The following CFAP61 variants were observed in gnomAD, a reference collection of about 807,000 sequenced individuals.
CFAP61 encodes the protein cilia and flagella associated protein 61, also known as cilia- and flagella-associated protein 61.
In CFAP61, 107 loss-of-function variants were observed where a neutral mutation model predicts 135.6. That is an observed-to-expected ratio of 0.79 (90% CI 0.67 to 0.93). CFAP61 has a LOEUF of 0.93. Among genes scored for constraint, CFAP61 ranks in the 40% least tolerant of loss-of-function variants. CFAP61 has a pLI of 0.00. For missense variants in CFAP61, 1,507 were observed against 1,556.2 expected (o/e 0.97, Z 0.53); for synonymous variants, 575 against 578.5 (o/e 0.99, Z 0.09).
chr20:20,099,318 C>T (rs2047833458), intron 8 of CFAP61, among the ~76,000 whole-genome samples: 1 of 152,152 alleles, frequency 6.6e-6, no homozygotes, highest in Admixed American at 6.5e-5. Context: ...TAAGTTACTT[C>T]TAGTTATATG....
At chr20:20,293,910 C>G (rs2055191628) in intron 24 of CFAP61, among the ~76,000 whole-genome samples, 1 of 152,140 alleles carries the variant, frequency 6.6e-6, no homozygotes, top group Non-Finnish European at 1.5e-5. Flanking sequence ...AACACCAAGT[C>G]TGATGAATCC....
chr20:20,250,074 C>A (rs1014028473), intron 19 of CFAP61, among the ~76,000 whole-genome samples: 4 of 152,120 alleles, frequency 2.6e-5, no homozygotes, highest in Non-Finnish European at 5.9e-5. Flanking sequence ...TTCACAGAGC[C>A]CTTTCACAGG....
Position 20,159,389 on chromosome 20 carries a change from C to G in CFAP61, c.971C>G (p.Ala324Gly). 1 of 1,613,936 alleles carries G rather than the reference C, an allele frequency of 6.2e-7. No homozygotes were observed. The highest frequency in any genetic ancestry group is 8.5e-7 in the Non-Finnish European group (1 of 1,179,826). ...TTCCAGGGAAATATTGCCAGAGAAGCTGCATCCGAGGAAGCTTTAACAGCA... is the reference window on the plus strand; with the variant it reads ...TTCCAGGGAAATATTGCCAGAGAAGGTGCATCCGAGGAAGCTTTAACAGCA... ...ENIQGNIARE[A>G]ASEEALTAVQ... is the part of the protein sequence containing the mutation. The change falls in exon 10 of 27, where the codon GCT becomes GGT. Residue 324 changes from alanine to glycine, a missense_variant. Transcript: ENST00000245957.
chr20:20,139,961 T>C (rs1456333036), intron 8 of CFAP61, among the ~76,000 whole-genome samples: 1 of 152,150 alleles, frequency 6.6e-6, no homozygotes, highest in African/African-American at 2.4e-5. Context: ...GAAAGAAATA[T>C]CTTTGTAATA....
At chr20:20,110,961 A>T (rs2048764723) in intron 8 of CFAP61, among the ~76,000 whole-genome samples, 1 of 152,186 alleles carries the variant, frequency 6.6e-6, no homozygotes, top group Non-Finnish European at 1.5e-5. Flanking sequence ...GGATGGGAGA[A>T]AATTTGGAAA....
chr20:20,341,228 A>C (rs1260716929), intron 25 of CFAP61, among the ~76,000 whole-genome samples: 1 of 152,190 alleles, frequency 6.6e-6, no homozygotes, highest in East Asian at 1.9e-4. Context: ...AAAATGCATC[A>C]AATTTTCCAG....
At chr20:20,203,876 G>A (rs1303649868) in intron 17 of CFAP61, among the ~76,000 whole-genome samples, 1 of 152,074 alleles carries the variant, frequency 6.6e-6, no homozygotes, top group African/African-American at 2.4e-5. Context: ...TAGGTGACAC[G>A]AGCCCAAACT....
intron 22 of CFAP61, among the ~76,000 whole-genome samples, chr20:20,279,774 C>T (rs142646164): frequency 3.9e-5 from 6 of 152,158 alleles, no homozygotes; most frequent in African/African-American, 1.2e-4. Flanking sequence ...TTTCTCCTAC[C>T]TTCCCTGGTC....
At chr20:20,322,711 A>T in intron 25 of CFAP61, 1 of 984,868 alleles carries the variant, frequency 1.0e-6, no homozygotes. Context: ...GAGTTCTGGC[A>T]TCTTCCTTCT....
chr20:20,058,854 T>G (rs1310199097), intron 2 of CFAP61, among the ~76,000 whole-genome samples: 1 of 152,080 alleles, frequency 6.6e-6, no homozygotes, highest in Non-Finnish European at 1.5e-5. Context: ...CCAGATAAAG[T>G]TGCAAGGTAT....
At chr20:20,226,954 T>C (rs967067200) in intron 17 of CFAP61, among the ~76,000 whole-genome samples, 8 of 152,264 alleles carry the variant, frequency 5.3e-5, no homozygotes, top group African/African-American at 1.9e-4. Flanking sequence ...GCAATGTTAA[T>C]TATGGAGTCT....
chr20:20,295,850 A>G (rs2055384226), intron 24 of CFAP61, among the ~76,000 whole-genome samples: 1 of 151,090 alleles, frequency 6.6e-6, no homozygotes, highest in Non-Finnish European at 1.5e-5. Flanking sequence ...ATCCAGGCCT[A>G]GAGAGATGCC....
intron 13 of CFAP61, among the ~76,000 whole-genome samples, chr20:20,181,296 C>CACACACACACACACAT (rs2055079037): frequency 6.6e-6 from 1 of 150,802 alleles, no homozygotes; most frequent in Non-Finnish European, 1.5e-5. Context: ...CACACACACA[C>CACACACACACACACAT]ACACATAACC....
intron 12 of CFAP61, among the ~76,000 whole-genome samples, chr20:20,167,963 T>A (rs955671917): frequency 1.3e-5 from 2 of 152,026 alleles, no homozygotes; most frequent in Non-Finnish European, 2.9e-5. Flanking sequence ...AGCAGCACTG[T>A]CCAGACATGG....
At chr20:20,260,123 T>G (rs2052035681) in intron 20 of CFAP61, among the ~76,000 whole-genome samples, 1 of 152,226 alleles carries the variant, frequency 6.6e-6, no homozygotes, top group Non-Finnish European at 1.5e-5. Context: ...TCTGCTAGCT[T>G]CTTCTAAATG....
At chr20:20,325,901 G>A (rs1031490143) in intron 25 of CFAP61, among the ~76,000 whole-genome samples, 4 of 152,150 alleles carry the variant, frequency 2.6e-5, no homozygotes, top group African/African-American at 9.7e-5. Flanking sequence ...TTAGATTTTA[G>A]CCATACCCAT....
At chr20:20,300,787 G>C (rs189098690) in intron 25 of CFAP61, among the ~76,000 whole-genome samples, 187 of 151,932 alleles carry the variant, frequency 1.2e-3, no homozygotes, top group African/African-American at 4.0e-3. Flanking sequence ...TGCATTTTTA[G>C]TAGAGACGGG....
In CFAP61 at chr20:20,187,935, T is replaced by C; in HGVS notation, c.1391T>C (p.Ile464Thr). ...VFHRAGLLKS[I>T]NIRFATLLDT... ...ATATTCCTCTCCTTACCCAGGTCCA[T>C]TAATATAAGATTTGCCACTCTCTTG... The change falls in exon 14 of 27, where the codon ATT (isoleucine) becomes ACT (threonine). Residue 464 changes from isoleucine to threonine, a missense_variant. Physicochemically the swap from Ile to Thr is moderately conservative, Grantham distance 89. Coordinates refer to ENST00000245957, the MANE Select transcript of CFAP61 (RefSeq NM_015585.4). 6.2e-7 allele frequency: 1 copy of C among 1,612,470 alleles called. No individual in the cohort carries two copies.
At chr20:20,073,549 C>T (rs771917366) in intron 3 of CFAP61, among the ~76,000 whole-genome samples, 13 of 151,990 alleles carry the variant, frequency 8.6e-5, no homozygotes, top group Non-Finnish European at 1.2e-4. Flanking sequence ...AGCCAGTCTA[C>T]ATCTGCACTG....
Sources: gnomAD v4.1 joint callset for allele counts (sites outside exome capture counted in the v4.1 genomes callset) on GRCh38, gnomAD v4.1.1 for gene constraint, MANE v1.5 for transcripts, NCBI Gene and HGNC (gene_info 2026-07-23, HGNC 2026-07-21) for gene names.